The following ERMP1 variants were observed in gnomAD, a reference collection of about 807,000 sequenced individuals.
ERMP1 encodes the protein endoplasmic reticulum metallopeptidase 1, also known as Felix-ina.
In ERMP1, 86 loss-of-function variants were observed where a neutral mutation model predicts 92.0. The observed-to-expected ratio is 0.93, with a 90% CI of 0.79 to 1.12. The LOEUF is 1.12. Among genes scored for constraint, ERMP1 ranks in the 50% most tolerant of loss-of-function variants. ERMP1 has a pLI of 0.00. For missense variants in ERMP1, 1,342 were observed against 1,116.3 expected (o/e 1.20, Z -2.88); for synonymous variants, 530 against 412.8 (o/e 1.28, Z -3.44).
chr9:5,826,911 G>A (rs779602895), intron 2 of ERMP1, among the ~76,000 whole-genome samples: 2 of 152,122 alleles, frequency 1.3e-5, no homozygotes, highest in Non-Finnish European at 2.9e-5. Context: ...GTTCTGGTGC[G>A]TTAAAAGAGA....
intron 7 of ERMP1, among the ~76,000 whole-genome samples, chr9:5,810,501 G>A (rs1434319950): frequency 1.3e-5 from 2 of 152,168 alleles, no homozygotes; most frequent in Non-Finnish European, 2.9e-5. Flanking sequence ...CATTCCTTAT[G>A]AAGGAAGAGG....
chr9:5,864,495 C>T (rs1354996334), intron 5 of ERMP1, among the ~76,000 whole-genome samples: 1 of 152,138 alleles, frequency 6.6e-6, no homozygotes, highest in African/African-American at 2.4e-5. Context: ...GCTATCCTTC[C>T]CAGGCTATTT....
At chr9:5,850,363 C>A (rs1191336335) in intron 6 of ERMP1, among the ~76,000 whole-genome samples, 1 of 117,256 alleles carries the variant, frequency 8.5e-6, no homozygotes, top group African/African-American at 3.3e-5. Context: ...CAAGATCGCA[C>A]CATTGCACTC....
At chr9:5,809,485 T>C (rs1829005788) in intron 8 of ERMP1, among the ~76,000 whole-genome samples, 1 of 152,302 alleles carries the variant, frequency 6.6e-6, no homozygotes, top group Non-Finnish European at 1.5e-5. Context: ...ATGCAGAATC[T>C]GAATCAACAA....
At chr9:5,841,341 C>T (rs1586835013) in intron 6 of ERMP1, among the ~76,000 whole-genome samples, 1 of 152,188 alleles carries the variant, frequency 6.6e-6, no homozygotes, top group Non-Finnish European at 1.5e-5. Context: ...GTGGAAGACA[C>T]CAGACACAGC....
intron 5 of ERMP1, 71 bp downstream of exon 5, chr9:5,812,818 A>C: frequency 6.5e-7 from 1 of 1,534,726 alleles, no homozygotes; most frequent in South Asian, 1.1e-5. Context: ...TTACTCACAT[A>C]CTTTCAAGAT....
rs745308242 is a variant in ERMP1 at position 5,811,114 on chromosome 9, T to C, written c.1324A>G (p.Lys442Glu). 7 of 1,608,370 alleles carry C rather than the reference T, an allele frequency of 4.4e-6. No individual in the cohort carries two copies. Among genetic ancestry groups the C allele is most frequent in the Middle Eastern group, 1.6e-4 (1 of 6,080 alleles). The change falls in exon 7 of 15, where the codon AAG (lysine) becomes GAG (glutamate). Residue 442 changes from lysine (K) to glutamate (E), a missense_variant. Physicochemically the swap from Lys to Glu is moderately conservative, Grantham distance 56. Transcript: ENST00000339450. ...AGTTTTAGAGGAAAATACTTACTCT[T>C]ATGTTTGGGCTGCAAAAATTTTTTG... is the stretch of plus-strand genomic sequence containing the variant. ...LGKKFLQPKH[K>E]TGNYKKDFLC...
At chr9:5,809,307 A>G (rs931038783) in intron 8 of ERMP1, among the ~76,000 whole-genome samples, 52 of 152,358 alleles carry the variant, frequency 3.4e-4, no homozygotes, top group African/African-American at 1.2e-3. Context: ...GGCGTGAGCC[A>G]CCGCGCCCGG....
At chr9:5,821,303 T>G (rs938458725) in intron 4 of ERMP1, among the ~76,000 whole-genome samples, 1 of 152,230 alleles carries the variant, frequency 6.6e-6, no homozygotes, top group Non-Finnish European at 1.5e-5. Flanking sequence ...TGTTTTACCT[T>G]TAACCTAGTC....
At chr9:5,842,124 T>A (rs1830172219) in intron 6 of ERMP1, among the ~76,000 whole-genome samples, 1 of 152,104 alleles carries the variant, frequency 6.6e-6, no homozygotes, top group African/African-American at 2.4e-5. Context: ...GAACAAAGCC[T>A]CCACACAGTG....
At chr9:5,801,759 C>A (rs1414673577) in intron 10 of ERMP1, among the ~76,000 whole-genome samples, 1 of 152,226 alleles carries the variant, frequency 6.6e-6, no homozygotes, top group African/African-American at 2.4e-5. Context: ...TGTCAAAATA[C>A]TAAATTCATC....
rs763299840 is a variant in ERMP1 at position 5,798,790 on chromosome 9, A to AAAATAATG, written c.2270+8_2270+15dup. ...TGAGAACAAACTAACCTTAAGCAGA[A>AAAATAATG]AAATAATGAACCAACCTGATCAGAA... On this transcript the variant is annotated intron_variant, in intron 12 of 14. Transcript: ENST00000339450. The AAAATAATG allele has an allele frequency of 1.9e-6, 3 of 1,590,344 alleles. No individual in the cohort carries two copies. Among genetic ancestry groups the AAAATAATG allele is most frequent in the Non-Finnish European group, 2.6e-6 (3 of 1,158,852 alleles).
intron 13 of ERMP1, among the ~76,000 whole-genome samples, chr9:5,796,755 G>GTT (rs1271047965): frequency 1.3e-5 from 2 of 152,148 alleles, no homozygotes; most frequent in Non-Finnish European, 2.9e-5. Flanking sequence ...GAAGCACAGG[G>GTT]CATTTCTAGA....
At chr9:5,833,135 T>G (rs908922866), upstream of ERMP1, 5 of 1,028,568 alleles carry the variant, frequency 4.9e-6, no homozygotes, top group South Asian at 2.0e-5. Flanking sequence ...GGACGGAAAC[T>G]GCAGAGGGCC....
chr9:5,801,512 G>T (rs1828671514), intron 10 of ERMP1, among the ~76,000 whole-genome samples, 184 bp from the exon 11 acceptor site: 1 of 152,136 alleles, frequency 6.6e-6, no homozygotes, highest in Non-Finnish European at 1.5e-5. Context: ...TCCATTGCAG[G>T]TGAGAACCTA....
rs1830525238 is a variant in ERMP1 at position 5,862,371 on chromosome 9, C to T, written n.3056-2760G>A. Among the ~76,000 whole-genome samples the T allele has an allele frequency of 2.0e-5, 3 of 152,024 alleles. No individual in the cohort carries two copies. The South Asian group carries it at 6.2e-4, about 32-fold the overall frequency. ...TTTTAGAGACAGAGTCTCACTCTGT[C>T]ATCCACACTGGAGTGCAGTGGTGCA... is the stretch of plus-strand genomic sequence containing the variant. On this transcript the variant is annotated intron_variant and non_coding_transcript_variant, in intron 5 of 6. Coordinates refer to the ERMP1 transcript ENST00000690753.
chr9:5,861,195 G>GTGTGTGTGTA (rs1554630211), intron 5 of ERMP1, among the ~76,000 whole-genome samples: 45 of 107,964 alleles, frequency 4.2e-4, no homozygotes, highest in Middle Eastern at 8.8e-3. Context: ...GTGTGTGTGT[G>GTGTGTGTGTA]TGTGTGTGTG....
At chr9:5,849,802 A>G (rs1333663698) in intron 6 of ERMP1, among the ~76,000 whole-genome samples, 1 of 152,216 alleles carries the variant, frequency 6.6e-6, no homozygotes, top group Non-Finnish European at 1.5e-5. Flanking sequence ...TGGTAAGTTT[A>G]GCTACCTACC....
chr9:5,824,157 T>C (rs1829647292), intron 3 of ERMP1, among the ~76,000 whole-genome samples, 156 bp from the exon 4 acceptor site: 1 of 152,256 alleles, frequency 6.6e-6, no homozygotes, highest in Non-Finnish European at 1.5e-5. Flanking sequence ...ATCTTCTGCT[T>C]CTTTTCCTAT....
Sources: allele counts gnomAD v4.1 joint callset (sites outside exome capture counted in the v4.1 genomes callset), GRCh38; gene constraint gnomAD v4.1.1; transcripts MANE v1.5; gene names NCBI Gene and HGNC (gene_info 2026-07-23, HGNC 2026-07-21).